The following VPS37A variants were observed in gnomAD, a reference collection of about 807,000 sequenced individuals.
VPS37A encodes the protein vacuolar protein sorting-associated protein 37A.
Under a neutral mutation model 49.8 loss-of-function variants are expected in VPS37A, and 30 were observed. The observed-to-expected ratio is 0.60, with a 90% CI of 0.45 to 0.82. VPS37A has a LOEUF of 0.82. Ranked by LOEUF, VPS37A falls within the 40% of genes least tolerant of loss-of-function variation. The pLI is 0.00. For synonymous variants in VPS37A, 195 were observed against 160.6 expected, an observed-to-expected ratio of 1.21 and a Z score of -1.62; for missense variants, 593 against 464.4, an observed-to-expected ratio of 1.28 and a Z score of -2.55.
chr8:17,313,429 A>C, the VPS37A span: 1 of 1,417,106 alleles, frequency 7.1e-7, no homozygotes, highest in Non-Finnish European at 9.9e-7. Flanking sequence ...TTATAAAAGC[A>C]AAATTAAGGT....
intron 6 of VPS37A, among the ~76,000 whole-genome samples, chr8:17,278,391 A>G (rs1471719780): frequency 1.3e-5 from 2 of 152,112 alleles, no homozygotes; most frequent in Admixed American, 6.6e-5. Context: ...AATCAACTAC[A>G]TATTTAGTTA....
At chr8:17,310,991 C>A in the VPS37A span, among the ~76,000 whole-genome samples, 66 of 152,278 alleles carry the variant, frequency 4.3e-4, no homozygotes, top group African/African-American at 1.5e-3. Flanking sequence ...ATATACTCGT[C>A]ATTTCAGCAA....
chr8:17,307,901 G>C, the VPS37A span, among the ~76,000 whole-genome samples: 3 of 151,210 alleles, frequency 2.0e-5, no homozygotes, highest in East Asian at 2.0e-4. Context: ...GTGGCGGGAG[G>C]GGGGAGGGAT....
intron 1 of VPS37A, among the ~76,000 whole-genome samples, chr8:17,261,215 G>A (rs991667647): frequency 2.6e-5 from 4 of 152,012 alleles, no homozygotes; most frequent in African/African-American, 9.7e-5. Context: ...CTGTCTTCAG[G>A]TTTACTGATT....
rs773370398 is a variant in VPS37A at position 17,286,398 on chromosome 8, A to T, written c.1165A>T (p.Met389Leu). ...KEEKLQQAIA[M>L]HSQFHAPL ...AGAGAAACTTCAGCAGGCGATAGCA[A>T]TGCACAGCCAATTTCATGCTCCACT... The change falls in exon 11 of 12, where the codon ATG (methionine) becomes TTG (leucine). Residue 389 changes from methionine (M) to leucine (L), a missense_variant. Transcript: ENST00000324849. The T allele has an allele frequency of 1.1e-5, 18 of 1,613,920 alleles. No homozygotes were observed. Among genetic ancestry groups the T allele is most frequent in the Middle Eastern group, 3.3e-4 (2 of 6,060 alleles).
chr8:17,308,846 G>A, the VPS37A span, among the ~76,000 whole-genome samples: 2 of 152,200 alleles, frequency 1.3e-5, no homozygotes, highest in African/African-American at 2.4e-5. Context: ...CCACTCCAGA[G>A]ACATCTGGGA....
rs767147130 is a variant in VPS37A, at chr8:17,280,062, G to A, written c.748G>A (p.Glu250Lys). Residue 250 changes from glutamate (E) to lysine (K), a missense_variant, in exon 7 of 12, where the codon GAG becomes AAG. Coordinates refer to ENST00000324849, the MANE Select transcript of VPS37A (RefSeq NM_152415.3). ...ACTCACAGATATGAATGAACAAGAG[G>A]AGGTATTACTAGAACAGTTTCTGAC... ...SQLTDMNEQE[E>K]VLLEQFLTLP... The A allele has an allele frequency of 6.2e-7, 1 of 1,612,050 alleles. No homozygotes were observed. Among genetic ancestry groups the A allele is most frequent in the South Asian group, 1.1e-5 (1 of 90,676 alleles).
At chr8:17,315,741 G>T in the VPS37A span, among the ~76,000 whole-genome samples, 1 of 152,170 alleles carries the variant, frequency 6.6e-6, no homozygotes, top group Non-Finnish European at 1.5e-5. Flanking sequence ...GCTGGGCACA[G>T]TGCCTCACAC....
chr8:17,280,528 T>C (rs1393496761), intron 9 of VPS37A, 85 bp downstream of exon 9: 1 of 1,267,612 alleles, frequency 7.9e-7, no homozygotes, highest in African/African-American at 1.5e-5. Flanking sequence ...TTCATTATCA[T>C]CAGAAACCAT....
At chr8:17,256,166 A>G (rs1413566228) in intron 1 of VPS37A, among the ~76,000 whole-genome samples, 1 of 152,100 alleles carries the variant, frequency 6.6e-6, no homozygotes, top group Non-Finnish European at 1.5e-5. Flanking sequence ...AGCAGACTCC[A>G]AATTAGTTGT....
At chr8:17,257,553 T>C (rs1041917048) in intron 1 of VPS37A, among the ~76,000 whole-genome samples, 1 of 152,046 alleles carries the variant, frequency 6.6e-6, no homozygotes, top group Non-Finnish European at 1.5e-5. Context: ...GGTTGATGGG[T>C]GCAGCAAACC....
the VPS37A span, among the ~76,000 whole-genome samples, chr8:17,316,723 A>T: frequency 2.0e-5 from 3 of 152,372 alleles, no homozygotes; most frequent in East Asian, 1.9e-4. Context: ...CTATTTACAC[A>T]GCACCTACAT....
At chr8:17,302,586 A>AAAAG (rs931885583), downstream of VPS37A, among the ~76,000 whole-genome samples, 2 of 150,198 alleles carry the variant, frequency 1.3e-5, no homozygotes, top group Admixed American at 6.7e-5. Context: ...AATGGCTCTT[A>AAAAG]GTTTTGAACT....
Position 17,296,498 on chromosome 8 carries a change from C to T in VPS37A, c.*1512C>T, listed in dbSNP as rs1454565125. ...CACTGGCCACCAGAGCTTAATTTTC[C>T]CAGCAGTTACAGCAATGGGAGATAG... On this transcript the variant is annotated 3_prime_UTR_variant, in exon 12 of 12. Transcript: ENST00000324849. 9 of 152,086 alleles carry T rather than the reference C, an allele frequency of 5.9e-5. No homozygotes were observed. Among genetic ancestry groups the T allele is most frequent in the African/African-American group, 2.2e-4 (9 of 41,412 alleles). The allele number at this position is 152,086 out of a possible 1,614,324, so 9.4% of individuals were successfully genotyped here.
intron 1 of VPS37A, among the ~76,000 whole-genome samples, chr8:17,265,620 G>T (rs1033557264): frequency 2.0e-5 from 3 of 152,158 alleles, no homozygotes; most frequent in African/African-American, 7.2e-5. Flanking sequence ...TGGTAAATTG[G>T]ATAGAGTGAT....
the VPS37A span, among the ~76,000 whole-genome samples, chr8:17,323,839 C>T: frequency 6.6e-6 from 1 of 152,176 alleles, no homozygotes; most frequent in Admixed American, 6.5e-5. Context: ...ATGGGCTACA[C>T]TTTCTTCTAC....
At chr8:17,311,392 G>A in the VPS37A span, 3 of 1,315,150 alleles carry the variant, frequency 2.3e-6, no homozygotes, top group Non-Finnish European at 2.1e-6. Context: ...TAATCTTGCT[G>A]AGCTACTAAA....
At chr8:17,256,797 C>T (rs1476309586) in intron 1 of VPS37A, among the ~76,000 whole-genome samples, 1 of 151,998 alleles carries the variant, frequency 6.6e-6, no homozygotes, top group Non-Finnish European at 1.5e-5. Context: ...GGATTACAGG[C>T]ACTCACCACC....
rs996088294 is a variant in VPS37A at position 17,297,823 on chromosome 8, T to A, written c.*2837T>A. ...AATAAGCAATAAATGTAACCTTTTA[T>A]ATAAATCTCAGTGCTAGGTTAACTT... On this transcript the variant is annotated 3_prime_UTR_variant, in exon 12 of 12. Transcript: ENST00000324849. 2.0e-5 allele frequency: 3 copies of A among 150,530 alleles called. No individual in the cohort carries two copies. The highest frequency in any genetic ancestry group is 7.4e-5 in the African/African-American group (3 of 40,754). 9.3% of individuals were successfully genotyped at this position (150,530 alleles called of 1,614,324 possible). A position where few individuals can be genotyped will look rare whatever the true frequency, so the allele number is the denominator to read the frequency against.
Sources: gnomAD v4.1 joint callset for allele counts (sites outside exome capture counted in the v4.1 genomes callset) on GRCh38, gnomAD v4.1.1 for gene constraint, MANE v1.5 for transcripts, NCBI Gene and HGNC (gene_info 2026-07-23, HGNC 2026-07-21) for gene names.